The following FGGY variants were observed in gnomAD, a reference collection of about 807,000 sequenced individuals.
The protein encoded by FGGY is FGGY carbohydrate kinase domain-containing protein.
A neutral mutation model predicts 71.3 loss-of-function variants in FGGY; 72 were observed. That is an observed-to-expected ratio of 1.01 (90% CI 0.84 to 1.23). The LOEUF is 1.23. Ranked by LOEUF, FGGY falls within the 50% of genes most tolerant of loss-of-function variation. The pLI is 0.00. For missense variants in FGGY, 668 were observed against 682.3 expected (o/e 0.98, Z 0.23); for synonymous variants, 251 against 250.3 (o/e 1.00, Z -0.02).
At chr1:59,346,516 T>C in intron 4 of FGGY, 118 bp downstream of exon 4, 1 of 1,171,878 alleles carries the variant, frequency 8.5e-7, no homozygotes, top group Non-Finnish European at 1.2e-6. Flanking sequence ...TCCCAGCAAC[T>C]AGGAGGAAGG....
chr1:59,586,408 C>CA (rs2096287881), intron 8 of FGGY, among the ~76,000 whole-genome samples: 2 of 151,808 alleles, frequency 1.3e-5, no homozygotes, highest in African/African-American at 2.4e-5. Flanking sequence ...ATCGCAAGGA[C>CA]AAAAAACCAA....
chr1:59,325,197 C>CA (rs11439290), intron 2 of FGGY, among the ~76,000 whole-genome samples: 58,756 of 149,708 alleles, frequency 0.39, 13,579 homozygotes, highest in East Asian at 0.7. Flanking sequence ...ACTAAAAATA[C>CA]AAAAAAAAAA....
rs532432991 is a variant in FGGY, at chr1:59,482,105, CT to C, written c.670+25030del. ...CTAATAACCAGATGGTGAACAAGAT[CT>C]GTATTCTCTTGGGTATACTAAGCTA... is the stretch of plus-strand genomic sequence containing the variant. On this transcript the variant is annotated intron_variant, in intron 6 of 15. Transcript: ENST00000303721. Among the ~76,000 whole-genome samples the C allele has an allele frequency of 3.3e-3, 495 of 152,218 alleles. 4 individuals are homozygous for C. Among genetic ancestry groups the C allele is most frequent in the African/African-American group, 0.011 (475 of 41,514 alleles).
At chr1:59,506,922 T>C (rs1487757534) in intron 6 of FGGY, among the ~76,000 whole-genome samples, 2 of 152,210 alleles carry the variant, frequency 1.3e-5, no homozygotes, top group African/African-American at 4.8e-5. Context: ...TGTATTTTTT[T>C]CCCCTAGGAA....
intron 7 of FGGY, among the ~76,000 whole-genome samples, chr1:59,553,381 CT>C (rs1429705429): frequency 6.6e-6 from 1 of 152,196 alleles, no homozygotes; most frequent in Non-Finnish European, 1.5e-5. Context: ...CCTAAAGAGT[CT>C]TTCTAGCTTT....
intron 8 of FGGY, among the ~76,000 whole-genome samples, chr1:59,597,450 C>T (rs934354581): frequency 6.6e-6 from 1 of 152,114 alleles, no homozygotes. Context: ...TCTCTAGAGC[C>T]ATTATAACCT....
chr1:59,435,065 G>T (rs1314722433), intron 5 of FGGY, among the ~76,000 whole-genome samples: 6 of 152,178 alleles, frequency 3.9e-5, no homozygotes. Flanking sequence ...GTGATAGACA[G>T]GAAATTAGTG....
intron 14 of FGGY, among the ~76,000 whole-genome samples, chr1:59,713,330 T>C (rs1373241372): frequency 6.6e-6 from 1 of 152,222 alleles, no homozygotes; most frequent in Non-Finnish European, 1.5e-5. Flanking sequence ...CAAACCGTTC[T>C]ACCCTCTGCC....
intron 14 of FGGY, among the ~76,000 whole-genome samples, chr1:59,742,950 C>T (rs561738286): frequency 1.3e-5 from 2 of 152,208 alleles, no homozygotes; most frequent in African/African-American, 4.8e-5. Context: ...AGTTTATTCT[C>T]TACAAAACTA....
chr1:59,480,903 C>T (rs1301652668), intron 6 of FGGY, among the ~76,000 whole-genome samples: 1 of 152,050 alleles, frequency 6.6e-6, no homozygotes, highest in Non-Finnish European at 1.5e-5. Context: ...GTCTTATATG[C>T]CAGGTGATGT....
chr1:59,491,053 T>TC (rs2093830417), intron 6 of FGGY, among the ~76,000 whole-genome samples: 106 of 2,034 alleles, frequency 0.052, 22 homozygotes, highest in South Asian at 0.17. Context: ...CTTCCTTCCT[T>TC]CCTTCCTTCC....
At chr1:59,379,865 A>C (rs774712419) in intron 5 of FGGY, among the ~76,000 whole-genome samples, 1 of 151,658 alleles carries the variant, frequency 6.6e-6, no homozygotes, top group Admixed American at 6.6e-5. Flanking sequence ...TTTGTTAATT[A>C]TGTATACATG....
chr1:59,675,539 T>C (rs898530698), intron 14 of FGGY, among the ~76,000 whole-genome samples: 5 of 152,248 alleles, frequency 3.3e-5, no homozygotes, highest in Admixed American at 1.3e-4. Flanking sequence ...CACTCATGAA[T>C]TCTTGTGGAT....
intron 7 of FGGY, among the ~76,000 whole-genome samples, chr1:59,515,617 T>G (rs956274712): frequency 6.6e-6 from 1 of 152,150 alleles, no homozygotes; most frequent in African/African-American, 2.4e-5. Context: ...GGGGAGGGAA[T>G]TGAATCATAA....
intron 6 of FGGY, among the ~76,000 whole-genome samples, chr1:59,495,225 G>A (rs1462848747): frequency 6.6e-6 from 1 of 151,842 alleles, no homozygotes; most frequent in East Asian, 1.9e-4. Flanking sequence ...AATATTCTGG[G>A]TATTAATCCT....
At chr1:59,720,745 G>A (rs923202539) in intron 14 of FGGY, among the ~76,000 whole-genome samples, 1 of 152,104 alleles carries the variant, frequency 6.6e-6, no homozygotes, top group Non-Finnish European at 1.5e-5. Context: ...ATATTATGAA[G>A]GATGACTTTT....
At chr1:59,520,381 T>G (rs1011851342) in intron 7 of FGGY, among the ~76,000 whole-genome samples, 12 of 152,188 alleles carry the variant, frequency 7.9e-5, no homozygotes, top group African/African-American at 2.9e-4. Flanking sequence ...CGGGACAACT[T>G]GGCCGTCTTT....
intron 10 of FGGY, among the ~76,000 whole-genome samples, chr1:59,628,044 A>G (rs1344645244): frequency 6.6e-6 from 1 of 152,230 alleles, no homozygotes; most frequent in Non-Finnish European, 1.5e-5. Flanking sequence ...GGCAAGAATC[A>G]TTAATGGATG....
intron 2 of FGGY, among the ~76,000 whole-genome samples, chr1:59,329,933 TC>T (rs1434741252): frequency 5.9e-5 from 9 of 152,202 alleles, no homozygotes; most frequent in Non-Finnish European, 1.2e-4. Flanking sequence ...TGTAGAAAGT[TC>T]CATTGGATAG....
Sources: gnomAD v4.1 joint callset for allele counts (sites outside exome capture counted in the v4.1 genomes callset) on GRCh38, gnomAD v4.1.1 for gene constraint, MANE v1.5 for transcripts, NCBI Gene and HGNC (gene_info 2026-07-23, HGNC 2026-07-21) for gene names.